TTC23L: variants seen among roughly 807,000 people sequenced by gnomAD.
The protein encoded by TTC23L is tetratricopeptide repeat domain 23 like.
TTC23L carries 42 observed loss-of-function variants against 48.1 expected under a neutral mutation model. The ratio of observed to expected loss-of-function variants is 0.87; its 90% CI spans 0.68 to 1.13. The LOEUF (loss-of-function observed/expected upper bound fraction) is 1.13, where lower values mean the gene tolerates loss of function less well. Ranked by LOEUF, TTC23L falls within the 50% of genes most tolerant of loss-of-function variation. The pLI is 0.00. For missense variants in TTC23L, 391 were observed against 421.0 expected, an observed-to-expected ratio of 0.93 and a Z score of 0.62; for synonymous variants, 159 against 157.2, an observed-to-expected ratio of 1.01 and a Z score of -0.09.
intron 9 of TTC23L, among the ~76,000 whole-genome samples, chr5:34,893,365 G>A (rs1322327471): frequency 6.6e-6 from 1 of 152,166 alleles, no homozygotes; most frequent in Non-Finnish European, 1.5e-5. Context: ...ACATTCACCT[G>A]GCAATGGCTG....
chr5:34,918,141 A>C, the TTC23L span: 11 of 134,394 alleles, frequency 8.2e-5, no homozygotes, highest in Admixed American at 8.0e-4. Context: ...CCATCTCTAC[A>C]AAAAAAAAAA....
chr5:34,877,410 T>TTTTC (rs1354083705), intron 8 of TTC23L, among the ~76,000 whole-genome samples: 6 of 150,220 alleles, frequency 4.0e-5, no homozygotes, highest in South Asian at 2.1e-4. Flanking sequence ...TATTATTCTT[T>TTTTC]TTTCTTTCTT....
At chr5:34,853,718 T>G (rs1302522544) in intron 4 of TTC23L, among the ~76,000 whole-genome samples, 2 of 152,058 alleles carry the variant, frequency 1.3e-5, no homozygotes, top group African/African-American at 4.8e-5. Context: ...GTTCAGATGG[T>G]AGAGGAAGGT....
chr5:34,890,807 G>C (rs909600043), intron 9 of TTC23L, among the ~76,000 whole-genome samples: 5 of 152,080 alleles, frequency 3.3e-5, no homozygotes, highest in African/African-American at 1.2e-4. Context: ...AGGTCTTTCT[G>C]TGTTGCCCGG....
intron 9 of TTC23L, among the ~76,000 whole-genome samples, chr5:34,884,243 A>G (rs1762412824): frequency 1.3e-5 from 2 of 152,324 alleles, no homozygotes; most frequent in South Asian, 4.1e-4. Flanking sequence ...CAAAGAAGGA[A>G]TAGAAGGAAA....
intron 6 of TTC23L, among the ~76,000 whole-genome samples, chr5:34,865,335 C>T (rs1393163969): frequency 6.6e-6 from 1 of 152,164 alleles, no homozygotes; most frequent in Non-Finnish European, 1.5e-5. Context: ...TGTCTGCGTC[C>T]TCTAAACAAC....
At chr5:34,842,379 C>T (rs1758759902) in intron 2 of TTC23L, among the ~76,000 whole-genome samples, 1 of 150,946 alleles carries the variant, frequency 6.6e-6, no homozygotes, top group Non-Finnish European at 1.5e-5. Context: ...AGTTGTGGAG[C>T]ACCAGATTCT....
At chr5:34,842,050 G>T (rs530846161) in intron 2 of TTC23L, among the ~76,000 whole-genome samples, 1 of 152,196 alleles carries the variant, frequency 6.6e-6, no homozygotes, top group East Asian at 1.9e-4. Context: ...CCTTAGTTGG[G>T]AACCATTGCT....
At chr5:34,898,734 A>T (rs1442199207) in intron 10 of TTC23L, among the ~76,000 whole-genome samples, 1 of 152,244 alleles carries the variant, frequency 6.6e-6, no homozygotes, top group Non-Finnish European at 1.5e-5. Context: ...TAGAAACCCC[A>T]AGTTCATAAA....
rs1402707494 is a variant in TTC23L, at chr5:34,863,491, T to C, written c.536+437T>C. 6.6e-6 allele frequency among the ~76,000 whole-genome samples: 1 copy of C among 152,186 alleles called. No individual in the cohort carries two copies. Among genetic ancestry groups the C allele is most frequent in the African/African-American group, 2.4e-5 (1 of 41,434 alleles). ...GAGCTTTAAGAATTTCTGCTGTCTG[T>C]TCCTGCCCCAAAGATTTTGACTGAG... On this transcript the variant is annotated intron_variant, in intron 5 of 10. Transcript: ENST00000505624. This position sits in a 1 kb window ranked among gnomAD's most constrained non-coding sequence, Gnocchi z 4.1.
intron 4 of TTC23L, among the ~76,000 whole-genome samples, chr5:34,857,914 A>G (rs1760258626): frequency 6.6e-6 from 1 of 152,186 alleles, no homozygotes; most frequent in Non-Finnish European, 1.5e-5. Context: ...CTGCTTAAAT[A>G]TAGATGCTGA....
the TTC23L span, among the ~76,000 whole-genome samples, chr5:34,910,771 C>T: frequency 1.1e-4 from 17 of 152,256 alleles, no homozygotes; most frequent in African/African-American, 4.1e-4. Flanking sequence ...AAAAGAATAC[C>T]TTATTCCTTT....
the TTC23L span, among the ~76,000 whole-genome samples, chr5:34,919,274 CAAAAAAA>C: frequency 2.5e-4 from 9 of 35,978 alleles, no homozygotes; most frequent in Middle Eastern, 0.02. Flanking sequence ...GACCCTGTCT[CAAAAAAA>C]AAAAAAAAAA....
downstream of TTC23L, among the ~76,000 whole-genome samples, chr5:34,903,811 C>T (rs1168010571): frequency 1.3e-5 from 2 of 152,122 alleles, no homozygotes; most frequent in African/African-American, 4.8e-5. Flanking sequence ...ATACAGAGCT[C>T]TTACAATTCT....
chr5:34,902,441 C>A, downstream of TTC23L: 1 of 364,286 alleles, frequency 2.7e-6, no homozygotes, highest in Admixed American at 2.7e-5. Context: ...AATAATACAG[C>A]TCAAAGACCC....
the TTC23L span, chr5:34,922,849 A>G: frequency 9.5e-5 from 132 of 1,383,920 alleles, no homozygotes; most frequent in Non-Finnish European, 1.2e-4. Flanking sequence ...GTGTTATTCA[A>G]TTTAGTTTCA....
the TTC23L span, among the ~76,000 whole-genome samples, chr5:34,910,659 C>G: frequency 6.6e-6 from 1 of 152,164 alleles, no homozygotes; most frequent in Non-Finnish European, 1.5e-5. Context: ...AACTCCTGAC[C>G]TCAAGTGATC....
intron 7 of TTC23L, chr5:34,867,661 T>C (rs899752853): frequency 6.5e-6 from 1 of 153,732 alleles, no homozygotes; most frequent in Non-Finnish European, 1.4e-5. Flanking sequence ...ATTCACCTTT[T>C]CTCTCTCCGA....
intron 1 of TTC23L, among the ~76,000 whole-genome samples, chr5:34,840,275 G>T (rs1420564281): frequency 1.4e-5 from 2 of 144,816 alleles, no homozygotes; most frequent in Non-Finnish European, 3.0e-5. Context: ...CAATACACTG[G>T]CTGTGCTTCG....
Sources: gnomAD v4.1 joint callset for allele counts (sites outside exome capture counted in the v4.1 genomes callset) on GRCh38, gnomAD v4.1.1 for gene constraint, Gnocchi (gnomAD v3.1) non-coding constraint, MANE v1.5 for transcripts, NCBI Gene and HGNC (gene_info 2026-07-23, HGNC 2026-07-21) for gene names.